Variants in SEMA6D observed in about 807,000 individuals in gnomAD.
SEMA6D encodes the protein semaphorin-6D.
In SEMA6D, 35 loss-of-function variants were observed where a neutral mutation model predicts 106.6. That is an observed-to-expected ratio of 0.33 (90% CI 0.25 to 0.44). The LOEUF (loss-of-function observed/expected upper bound fraction) is 0.44, where lower values mean the gene tolerates loss of function less well. Among genes scored for constraint, SEMA6D ranks in the 20% least tolerant of loss-of-function variants. SEMA6D has a pLI of 1.00. For missense variants in SEMA6D, 1,185 were observed against 1,345.9 expected (o/e 0.88, Z 1.87); for synonymous variants, 499 against 487.7 (o/e 1.02, Z -0.31).
At chr15:47,301,125 C>G (rs2036001409) in intron 1 of SEMA6D, among the ~76,000 whole-genome samples, 1 of 152,168 alleles carries the variant, frequency 6.6e-6, no homozygotes, top group Non-Finnish European at 1.5e-5. Flanking sequence ...GAGTTCTTGT[C>G]TTTGGCAAAA....
intron 4 of SEMA6D, among the ~76,000 whole-genome samples, chr15:47,646,128 G>T (rs2077578554): frequency 6.6e-6 from 1 of 152,110 alleles, no homozygotes; most frequent in African/African-American, 2.4e-5. Flanking sequence ...CTCCCCAGAG[G>T]TTGGAGGGTG....
chr15:47,530,519 C>A (rs2044925954), intron 3 of SEMA6D, among the ~76,000 whole-genome samples: 1 of 152,158 alleles, frequency 6.6e-6, no homozygotes, highest in Non-Finnish European at 1.5e-5. Context: ...AACAAATCCT[C>A]TATGATTATT....
chr15:47,208,549 T>C (rs1895267358), intron 1 of SEMA6D, among the ~76,000 whole-genome samples: 1 of 152,208 alleles, frequency 6.6e-6, no homozygotes, highest in Non-Finnish European at 1.5e-5. Context: ...ACTATACTGC[T>C]ATACATTCTA....
At chr15:47,465,194 A>G (rs1037074216) in intron 2 of SEMA6D, among the ~76,000 whole-genome samples, 3 of 152,206 alleles carry the variant, frequency 2.0e-5, no homozygotes, top group East Asian at 1.9e-4. Flanking sequence ...CAGTAGATGC[A>G]TTTTGACCAA....
chr15:47,710,357 T>C (rs2078992537), intron 4 of SEMA6D, among the ~76,000 whole-genome samples: 1 of 152,176 alleles, frequency 6.6e-6, no homozygotes, highest in Non-Finnish European at 1.5e-5. Context: ...AGTTAACATA[T>C]TTAATAGTAT....
In SEMA6D at chr15:47,750,286, T is replaced by G. The variant is rs150525143; in HGVS notation, c.-54-9459T>G. ...ACACCAGGATGTTTATCCCACTAGA[T>G]AGGGAAGTAGGAATCCCTCTAGCCA... On this transcript the variant is annotated intron_variant, in intron 1 of 18. Transcript: ENST00000536845. Among the ~76,000 whole-genome samples, 3 of 152,278 alleles carry G rather than the reference T, an allele frequency of 2.0e-5. No homozygotes were observed. The East Asian group carries it at 5.8e-4, about 29-fold the overall frequency.
intron 1 of SEMA6D, among the ~76,000 whole-genome samples, chr15:47,391,883 C>G (rs530143648): frequency 7.9e-5 from 12 of 152,060 alleles, no homozygotes; most frequent in African/African-American, 2.9e-4. Context: ...TACACTTTCC[C>G]CCACCTCTGT....
intron 3 of SEMA6D, among the ~76,000 whole-genome samples, chr15:47,557,684 G>C (rs1238671556): frequency 6.6e-6 from 1 of 152,166 alleles, no homozygotes; most frequent in Non-Finnish European, 1.5e-5. Flanking sequence ...GTTTTGGTTA[G>C]GGAAATCACA....
intron 3 of SEMA6D, among the ~76,000 whole-genome samples, chr15:47,541,718 A>C (rs578028224): frequency 6.6e-6 from 1 of 152,238 alleles, no homozygotes; most frequent in African/African-American, 2.4e-5. Flanking sequence ...TCATATATGC[A>C]CCTAACTTAT....
intron 4 of SEMA6D, among the ~76,000 whole-genome samples, chr15:47,648,717 T>C (rs781415664): frequency 6.6e-6 from 1 of 152,206 alleles, no homozygotes; most frequent in African/African-American, 2.4e-5. Context: ...CCCGATGTTT[T>C]TATGACTTGT....
At chr15:47,746,970 C>T (rs909605880) in intron 1 of SEMA6D, among the ~76,000 whole-genome samples, 3 of 130,430 alleles carry the variant, frequency 2.3e-5, no homozygotes, top group African/African-American at 8.7e-5. Flanking sequence ...CAGTCTCCTG[C>T]TGTGTGTGTG....
At chr15:47,642,713 G>C (rs74014035) in intron 4 of SEMA6D, among the ~76,000 whole-genome samples, 2,755 of 152,202 alleles carry the variant, frequency 0.018, 85 homozygotes, top group African/African-American at 0.062. Context: ...CATCACTTCT[G>C]GGGGGACAGG....
intron 4 of SEMA6D, among the ~76,000 whole-genome samples, chr15:47,636,650 A>C (rs778577497): frequency 6.6e-6 from 1 of 152,098 alleles, no homozygotes; most frequent in Non-Finnish European, 1.5e-5. Context: ...CTAACATCAC[A>C]GCGAAGGCAA....
intron 1 of SEMA6D, among the ~76,000 whole-genome samples, chr15:47,235,930 G>A (rs1416662879): frequency 6.6e-6 from 1 of 152,000 alleles, no homozygotes; most frequent in African/African-American, 2.4e-5. Flanking sequence ...TTGTTACTTT[G>A]TTACATTCTG....
intron 1 of SEMA6D, among the ~76,000 whole-genome samples, chr15:47,276,194 A>G (rs62015679): frequency 1.4e-3 from 209 of 152,326 alleles, no homozygotes; most frequent in Non-Finnish European, 2.0e-3. Flanking sequence ...ATAACATAAA[A>G]TGTCAAAGTG....
Position 47,771,948 on chromosome 15 carries a change from A to C in SEMA6D, c.*163A>C. The C allele has an allele frequency of 1.5e-6, 1 of 665,114 alleles. No homozygotes were observed. The highest frequency in any genetic ancestry group is 2.5e-6 in the Non-Finnish European group (1 of 392,430). 41.2% of individuals were successfully genotyped at this position (665,114 alleles called of 1,614,324 possible). A position where few individuals can be genotyped will look rare whatever the true frequency, so the allele number is the denominator to read the frequency against. On this transcript the variant is annotated 3_prime_UTR_variant, in exon 19 of 19. Transcript: ENST00000536845. ...GGCAACATCAGAACTTGCCACATGTAGCTACTGCAGCAAGGCTTCTGTGTA... is the reference window on the plus strand; with the variant it reads ...GGCAACATCAGAACTTGCCACATGTCGCTACTGCAGCAAGGCTTCTGTGTA...
At chr15:47,278,166 T>C (rs538917479) in intron 1 of SEMA6D, among the ~76,000 whole-genome samples, 2 of 152,136 alleles carry the variant, frequency 1.3e-5, no homozygotes, top group Non-Finnish European at 2.9e-5. Flanking sequence ...TTTCTAGTTC[T>C]AGATCCCTGA....
intron 3 of SEMA6D, among the ~76,000 whole-genome samples, chr15:47,506,258 A>C (rs1596183412): frequency 6.6e-6 from 1 of 152,164 alleles, no homozygotes; most frequent in East Asian, 1.9e-4. Context: ...AATGCTTAGC[A>C]TCCCAGGCCA....
intron 4 of SEMA6D, chr15:47,605,313 C>T (rs1265582688): frequency 6.6e-6 from 1 of 152,170 alleles, no homozygotes; most frequent in Non-Finnish European, 1.5e-5. Flanking sequence ...ACTTGAGTGT[C>T]CTCAAGACAT....
Sources: gnomAD v4.1 joint callset for allele counts (sites outside exome capture counted in the v4.1 genomes callset) on GRCh38, gnomAD v4.1.1 for gene constraint, MANE v1.5 for transcripts, NCBI Gene and HGNC (gene_info 2026-07-23, HGNC 2026-07-21) for gene names.